The following ALG14 variants were observed in gnomAD, a reference collection of about 807,000 sequenced individuals.
ALG14 encodes the protein ALG14 UDP-N-acetylglucosaminyltransferase subunit.
A neutral mutation model predicts 22.8 loss-of-function variants in ALG14; 17 were observed. That is an observed-to-expected ratio of 0.75 (90% CI 0.51 to 1.12). ALG14 has a LOEUF of 1.12. Among genes scored for constraint, ALG14 ranks in the 50% most tolerant of loss-of-function variants. The pLI is 0.00. For synonymous variants in ALG14, 89 were observed against 103.7 expected, an observed-to-expected ratio of 0.86 and a Z score of 0.86; for missense variants, 288 against 271.8, an observed-to-expected ratio of 1.06 and a Z score of -0.42.
intron 3 of ALG14, among the ~76,000 whole-genome samples, chr1:95,023,528 C>T (rs540472956): frequency 2.6e-5 from 4 of 152,138 alleles, no homozygotes; most frequent in South Asian, 2.1e-4. Context: ...TCATACAAAG[C>T]GTGAGTGAGT....
Position 94,978,563 on chromosome 1 carries a change from C to T in ALG14, c.*4513G>A, listed in dbSNP as rs970541685. The T allele has an allele frequency of 2.6e-5, 4 of 152,170 alleles. No homozygotes were observed. Among genetic ancestry groups the T allele is most frequent in the Non-Finnish European group, 5.9e-5 (4 of 68,036 alleles). The allele number at this position is 152,170 out of a possible 1,614,324, so 9.4% of individuals were successfully genotyped here. On this transcript the variant is annotated 3_prime_UTR_variant, in exon 4 of 4. Coordinates refer to ENST00000370205, the MANE Select transcript of ALG14 (RefSeq NM_144988.4). ...CAATTCGATGGTATATAACTCAGCA[C>T]TAACCTTTGGTATGGGTGGCTATGT...
In ALG14 at chr1:94,982,788, C is replaced by T. The variant is rs1471539238; in HGVS notation, c.*288G>A. On this transcript the variant is annotated 3_prime_UTR_variant, in exon 4 of 4. Coordinates refer to ENST00000370205, the MANE Select transcript of ALG14 (RefSeq NM_144988.4). ...ATTTAGTTCTGTAAAAAAAATACTA[C>T]TAAAACAGCCAGAAGAAAATTTGCA... is the stretch of plus-strand genomic sequence containing the variant. 9.2e-6 allele frequency: 2 copies of T among 216,420 alleles called. No homozygotes were observed. The highest frequency in any genetic ancestry group is 1.8e-5 in the Non-Finnish European group (2 of 112,856). 13.4% of individuals were successfully genotyped at this position (216,420 alleles called of 1,614,324 possible).
rs577919697 is a variant in ALG14, at chr1:95,045,067, T to A, written c.289-17807A>T. On this transcript the variant is annotated intron_variant, in intron 2 of 3. Transcript: ENST00000370205. ...CCTTTTATTCAAGCTCCTTTCCCAG[T>A]GTTTAATATTTTAGGTCTCTTTCTT... Among the ~76,000 whole-genome samples, 4 of 152,274 alleles carry A rather than the reference T, an allele frequency of 2.6e-5. No individual in the cohort carries two copies. The East Asian group carries it at 7.7e-4, about 29-fold the overall frequency.
chr1:95,071,050 T>C (rs918267637), intron 1 of ALG14, among the ~76,000 whole-genome samples: 4 of 152,190 alleles, frequency 2.6e-5, no homozygotes, highest in Non-Finnish European at 4.4e-5. Flanking sequence ...CTAAACACTT[T>C]AAATATGATC....
intron 1 of ALG14, among the ~76,000 whole-genome samples, chr1:95,071,227 A>G (rs1675551306): frequency 6.6e-6 from 1 of 152,186 alleles, no homozygotes; most frequent in Non-Finnish European, 1.5e-5. Context: ...TGATATCAAC[A>G]GTGGAGTAGC....
intron 2 of ALG14, among the ~76,000 whole-genome samples, chr1:95,056,242 T>C (rs1311377627): frequency 3.3e-5 from 5 of 152,164 alleles, no homozygotes. Context: ...AATGGACTGC[T>C]GAATAAATGG....
At chr1:95,048,968 T>C (rs1187212031) in intron 2 of ALG14, among the ~76,000 whole-genome samples, 1 of 152,152 alleles carries the variant, frequency 6.6e-6, no homozygotes, top group Admixed American at 6.6e-5. Flanking sequence ...TGTGTAATTA[T>C]AAATAAGGTG....
intron 2 of ALG14, among the ~76,000 whole-genome samples, chr1:95,036,985 C>G (rs949957350): frequency 1.3e-5 from 2 of 152,288 alleles, no homozygotes; most frequent in South Asian, 2.1e-4. Flanking sequence ...AGCTCTGCCC[C>G]AGGGCCTGAA....
intron 3 of ALG14, among the ~76,000 whole-genome samples, chr1:94,985,837 C>G (rs1381147818): frequency 6.6e-6 from 1 of 151,870 alleles, no homozygotes; most frequent in African/African-American, 2.4e-5. Context: ...TTTGGAAGCA[C>G]CTTACTACAA....
At chr1:95,009,738 T>C (rs1673314319) in intron 3 of ALG14, among the ~76,000 whole-genome samples, 1 of 152,106 alleles carries the variant, frequency 6.6e-6, no homozygotes, top group African/African-American at 2.4e-5. Flanking sequence ...GGATTCTGGA[T>C]TGGATGTGGA....
intron 2 of ALG14, among the ~76,000 whole-genome samples, chr1:95,038,989 T>C (rs1674296944): frequency 6.6e-6 from 1 of 152,176 alleles, no homozygotes; most frequent in African/African-American, 2.4e-5. Flanking sequence ...CCCAAATTGT[T>C]GGGATTACAG....
In ALG14 at chr1:94,980,819, T is replaced by A. The variant is rs769353525; in HGVS notation, c.*2257A>T. On this transcript the variant is annotated 3_prime_UTR_variant, in exon 4 of 4. Coordinates refer to ENST00000370205, the MANE Select transcript of ALG14 (RefSeq NM_144988.4). ...TAACATTTCTAAACTTTTGGTGATA[T>A]AACACATACACATTCTTTCTCTGAC... 3 of 152,270 alleles carry A rather than the reference T, an allele frequency of 2.0e-5. No homozygotes were observed. Among genetic ancestry groups the A allele is most frequent in the Non-Finnish European group, 2.9e-5 (2 of 68,048 alleles). 9.4% of individuals were successfully genotyped at this position (152,270 alleles called of 1,614,324 possible). A position where few individuals can be genotyped will look rare whatever the true frequency, so the allele number is the denominator to read the frequency against.
At chr1:95,056,926 G>A (rs1674955538) in intron 2 of ALG14, among the ~76,000 whole-genome samples, 1 of 151,448 alleles carries the variant, frequency 6.6e-6, no homozygotes, top group African/African-American at 2.4e-5. Flanking sequence ...GCATGGTGGT[G>A]CACACCTGTA....
At chr1:95,008,852 G>A (rs1370482389) in intron 3 of ALG14, among the ~76,000 whole-genome samples, 11 of 151,972 alleles carry the variant, frequency 7.2e-5, no homozygotes, top group Admixed American at 5.9e-4. Flanking sequence ...CCCTGGTAAT[G>A]TCTATTCTGC....
intron 3 of ALG14, among the ~76,000 whole-genome samples, chr1:95,006,232 T>C (rs919235772): frequency 1.3e-5 from 2 of 152,356 alleles, no homozygotes; most frequent in African/African-American, 4.8e-5. Flanking sequence ...CATGCCTGGG[T>C]ATGTACATAT....
chr1:95,026,944 G>A (rs1196622935), intron 3 of ALG14, among the ~76,000 whole-genome samples, 185 bp downstream of exon 3: 1 of 152,192 alleles, frequency 6.6e-6, no homozygotes, highest in Admixed American at 6.5e-5. Flanking sequence ...ATAAAGAACT[G>A]ATATTTATTT....
intron 3 of ALG14, among the ~76,000 whole-genome samples, chr1:95,014,725 A>G (rs1354549100): frequency 1.3e-5 from 2 of 152,242 alleles, no homozygotes; most frequent in Non-Finnish European, 2.9e-5. Context: ...ATTTGTAAAT[A>G]AAAAGCTTAT....
chr1:95,066,847 C>T (rs992309931), intron 1 of ALG14, among the ~76,000 whole-genome samples: 8 of 151,298 alleles, frequency 5.3e-5, no homozygotes, highest in African/African-American at 1.5e-4. Flanking sequence ...TGCAACAGAG[C>T]GAGACTCTGT....
At chr1:95,002,245 G>C (rs973372280) in intron 3 of ALG14, among the ~76,000 whole-genome samples, 4 of 148,880 alleles carry the variant, frequency 2.7e-5, no homozygotes, top group Admixed American at 6.7e-5. Context: ...GTAAGTACCT[G>C]GGGGGGGGAA....
Sources: allele counts gnomAD v4.1 joint callset (sites outside exome capture counted in the v4.1 genomes callset), GRCh38; gene constraint gnomAD v4.1.1; transcripts MANE v1.5; gene names NCBI Gene and HGNC (gene_info 2026-07-23, HGNC 2026-07-21).